GAB1: variants seen among roughly 807,000 people sequenced by gnomAD.
GAB1 encodes the protein GRB2 associated binding protein 1, also known as GRB2-associated-binding protein 1.
GAB1 carries 19 observed loss-of-function variants against 66.5 expected under a neutral mutation model. That is an observed-to-expected ratio of 0.29 (90% confidence interval 0.20 to 0.42). The LOEUF (loss-of-function observed/expected upper bound fraction) is 0.42, where lower values mean the gene tolerates loss of function less well. Among genes scored for constraint, GAB1 ranks in the 10% least tolerant of loss-of-function variants. GAB1 has a pLI of 1.00. For missense variants in GAB1, 732 were observed against 858.5 expected (o/e 0.85, Z 1.84); for synonymous variants, 294 against 301.4 (o/e 0.98, Z 0.25).
At chr4:143,393,299 A>G (rs552927925) in intron 1 of GAB1, among the ~76,000 whole-genome samples, 1 of 151,954 alleles carries the variant, frequency 6.6e-6, no homozygotes, top group South Asian at 2.1e-4. Flanking sequence ...AACCTAAAAT[A>G]TTTATGATCT....
chr4:143,410,175 T>C (rs1732301859), intron 1 of GAB1, among the ~76,000 whole-genome samples: 3 of 152,022 alleles, frequency 2.0e-5, no homozygotes, highest in African/African-American at 4.8e-5. Context: ...GGCCACTTCC[T>C]CAATAATTAG....
At position 143,373,044 on chromosome 4, in the gene GAB1, A is replaced by AACACACACACAC. The variant is rs36205621; in HGVS notation, c.72+35808_72+35819dup. 4.4e-3 allele frequency among the ~76,000 whole-genome samples: 649 copies of AACACACACACAC among 148,254 alleles called. 2 individuals carry two copies. The highest frequency in any genetic ancestry group is 7.6e-3 in the East Asian group (38 of 4,978). On this transcript the variant is annotated intron_variant, in intron 1 of 9. Coordinates refer to ENST00000262994, the MANE Select transcript of GAB1 (RefSeq NM_002039.4). ...ATCTGAGGATTGAATTTCCTTTAAA[A>AACACACACACAC]ACACACACACACACACACACACACA...
At chr4:143,435,737 T>G (rs1421403151) in intron 3 of GAB1, among the ~76,000 whole-genome samples, 1 of 152,220 alleles carries the variant, frequency 6.6e-6, no homozygotes, top group Non-Finnish European at 1.5e-5. Context: ...AAGTAAGAGT[T>G]GCTAAGAAGT....
intron 1 of GAB1, among the ~76,000 whole-genome samples, chr4:143,363,109 C>T (rs1729730306): frequency 6.6e-6 from 1 of 152,206 alleles, no homozygotes; most frequent in Admixed American, 6.5e-5. Context: ...TTCAAACCCG[C>T]ATGTATCTGC....
intron 1 of GAB1, among the ~76,000 whole-genome samples, chr4:143,342,241 A>C (rs1728844923): frequency 6.6e-6 from 1 of 152,216 alleles, no homozygotes; most frequent in Admixed American, 6.5e-5. Context: ...ATTCAGAATT[A>C]CTGTTAGGAA....
rs748613957 is a variant in GAB1, at chr4:143,460,422, A to G, written c.1738A>G (p.Ser580Gly). 3 of 1,613,612 alleles carry G rather than the reference A, an allele frequency of 1.9e-6. No homozygotes were observed. The highest frequency in any genetic ancestry group is 1.7e-6 in the Non-Finnish European group (2 of 1,179,568). ...TTCAGTGCATAGCACAACTTCAAGC[A>G]GTGACTCACACGACAGTGAAGAGAA... The part of the protein sequence containing the change: ...PDSVHSTTSS[S>G]DSHDSEENYV... The change falls in exon 8 of 10, where the codon AGT becomes GGT. Residue 580 changes from serine (S) to glycine (G), a missense_variant. Transcript: ENST00000262994.
intron 6 of GAB1, among the ~76,000 whole-genome samples, chr4:143,450,187 CATT>C (rs1300635755): frequency 6.6e-6 from 1 of 152,090 alleles, no homozygotes; most frequent in Non-Finnish European, 1.5e-5. Context: ...GTATAATTAT[CATT>C]ATTACATTTC....
intron 1 of GAB1, among the ~76,000 whole-genome samples, chr4:143,404,773 A>G (rs1363708485): frequency 6.6e-6 from 1 of 152,190 alleles, no homozygotes; most frequent in East Asian, 1.9e-4. Flanking sequence ...AAACAACTGC[A>G]TTGTCCATAT....
chr4:143,397,805 C>T (rs190200686), intron 1 of GAB1, among the ~76,000 whole-genome samples: 1 of 152,220 alleles, frequency 6.6e-6, no homozygotes, highest in Non-Finnish European at 1.5e-5. Flanking sequence ...TTCCAAGGTC[C>T]CTGCATGAAA....
intron 6 of GAB1, among the ~76,000 whole-genome samples, chr4:143,447,329 A>G (rs1439160341): frequency 6.6e-6 from 1 of 152,164 alleles, no homozygotes; most frequent in African/African-American, 2.4e-5. Context: ...CAATTCTGTG[A>G]AGAAAGTCAT....
intron 2 of GAB1, 133 bp from the exon 3 acceptor site, chr4:143,433,357 GT>G (rs1733774881): frequency 1.7e-5 from 11 of 656,896 alleles, no homozygotes; most frequent in South Asian, 1.5e-4. Context: ...CATTTAGATA[GT>G]GTTTGTTTTA....
At chr4:143,410,529 G>A (rs1465818913) in intron 1 of GAB1, among the ~76,000 whole-genome samples, 1 of 152,158 alleles carries the variant, frequency 6.6e-6, no homozygotes, top group African/African-American at 2.4e-5. Context: ...CCATACTCTA[G>A]GGTGTGTGAT....
At chr4:143,395,561 C>A in intron 1 of GAB1, 1 of 210,360 alleles carries the variant, frequency 4.8e-6, no homozygotes, top group Non-Finnish European at 9.7e-6. Flanking sequence ...ATTTTTGCAG[C>A]TTAAATGGTG....
intron 1 of GAB1, among the ~76,000 whole-genome samples, chr4:143,379,058 A>G (rs1730545987): frequency 6.6e-6 from 1 of 152,146 alleles, no homozygotes; most frequent in Admixed American, 6.5e-5. Context: ...TGTGTTATGA[A>G]AAAAAGGGGG....
Position 143,406,584 on chromosome 4 carries a change from T to C in GAB1, c.73-8893T>C, listed in dbSNP as rs541653920. 1.6e-4 allele frequency among the ~76,000 whole-genome samples: 24 copies of C among 152,364 alleles called. No homozygotes were observed. The South Asian group carries it at 4.8e-3, about 30-fold the overall frequency. The stretch of plus-strand genomic sequence containing the variant: ...CAGTCTCAAAAGATGGAGTGAACTC[T>C]GTGTCCCGATTTTCCTCTGCCCACA... On this transcript the variant is annotated intron_variant, in intron 1 of 9. Coordinates refer to ENST00000262994, the MANE Select transcript of GAB1 (RefSeq NM_002039.4).
At chr4:143,347,525 G>A (rs1252162347) in intron 1 of GAB1, among the ~76,000 whole-genome samples, 1 of 152,222 alleles carries the variant, frequency 6.6e-6, no homozygotes, top group Non-Finnish European at 1.5e-5. Context: ...CAGTTGTTCT[G>A]TTGGGGTCCA....
chr4:143,393,270 C>T (rs569036569), intron 1 of GAB1, among the ~76,000 whole-genome samples: 93 of 148,694 alleles, frequency 6.3e-4, no homozygotes, highest in Non-Finnish European at 1.2e-3. Flanking sequence ...GAGACAGAAA[C>T]CATGTGTGTA....
At chr4:143,373,887 T>TATATATATATATATATATATATATA (rs1560726049) in intron 1 of GAB1, among the ~76,000 whole-genome samples, 12 of 98,266 alleles carry the variant, frequency 1.2e-4, no homozygotes, top group South Asian at 4.0e-4. Flanking sequence ...ATATATATAT[T>TATATATATATATATATATATATATA]TTTACCTTTC....
At chr4:143,424,985 T>G in intron 2 of GAB1, 2 of 652,180 alleles carry the variant, frequency 3.1e-6, no homozygotes, top group Non-Finnish European at 5.5e-6. Flanking sequence ...CTTTCTGTGC[T>G]ACCCACAGAG....
Sources: gnomAD v4.1 joint callset for allele counts (sites outside exome capture counted in the v4.1 genomes callset) on GRCh38, gnomAD v4.1.1 for gene constraint, MANE v1.5 for transcripts, NCBI Gene and HGNC (gene_info 2026-07-23, HGNC 2026-07-21) for gene names.